Variants in CPNE8 observed in about 807,000 individuals in gnomAD.
CPNE8 encodes the protein copine-8.
Under a neutral mutation model 81.5 loss-of-function variants are expected in CPNE8, and 45 were observed. The observed-to-expected ratio is 0.55, with a 90% CI of 0.44 to 0.71. The LOEUF (loss-of-function observed/expected upper bound fraction) is 0.71. Ranked by LOEUF, CPNE8 falls within the 30% of genes least tolerant of loss-of-function variation. The probability of loss-of-function intolerance (pLI) is 0.00; values close to 1 mark genes in which losing one functional copy is unlikely to be tolerated. For missense variants in CPNE8, 594 were observed against 672.1 expected (o/e 0.88, Z 1.28); for synonymous variants, 252 against 226.3 (o/e 1.11, Z -1.02).
chr12:38,788,361 C>T (rs1942246524), intron 6 of CPNE8, among the ~76,000 whole-genome samples: 1 of 151,546 alleles, frequency 6.6e-6, no homozygotes, highest in African/African-American at 2.4e-5. Flanking sequence ...AGACCAAAAC[C>T]ATATCATTTC....
chr12:38,704,407 T>C (rs1187187060), intron 13 of CPNE8, among the ~76,000 whole-genome samples: 1 of 152,096 alleles, frequency 6.6e-6, no homozygotes, highest in South Asian at 2.1e-4. Context: ...TATTTACAGA[T>C]ATAGATAAAT....
At chr12:38,786,335 G>A (rs1942187620) in intron 6 of CPNE8, among the ~76,000 whole-genome samples, 1 of 152,156 alleles carries the variant, frequency 6.6e-6, no homozygotes, top group African/African-American at 2.4e-5. Context: ...GGGTCAGTGG[G>A]CTGAGAAAGG....
At chr12:38,874,645 A>T in intron 1 of CPNE8, 134 bp from the exon 2 acceptor site, 1 of 505,612 alleles carries the variant, frequency 2.0e-6, no homozygotes, top group Non-Finnish European at 3.5e-6. Context: ...ATATACATAT[A>T]TATGACTAAA....
At chr12:38,709,169 C>G (rs923837456) in intron 13 of CPNE8, among the ~76,000 whole-genome samples, 1 of 152,202 alleles carries the variant, frequency 6.6e-6, no homozygotes, top group Non-Finnish European at 1.5e-5. Context: ...GGTTCTGGAA[C>G]ATGCCCTGAA....
At chr12:38,791,766 A>G (rs768363921) in intron 6 of CPNE8, among the ~76,000 whole-genome samples, 1 of 151,654 alleles carries the variant, frequency 6.6e-6, no homozygotes, top group Non-Finnish European at 1.5e-5. Context: ...TATGTCACTC[A>G]ATAACAATGA....
rs1337394671 is a variant in CPNE8, at chr12:38,810,452, TACTC to T, written c.407+18923_407+18926del. 7.2e-5 allele frequency among the ~76,000 whole-genome samples: 11 copies of T among 152,194 alleles called. No homozygotes were observed. The South Asian group carries it at 8.3e-4, about 11-fold the overall frequency. ...TTCTTTCTGGAGTAGACTTTCCTGA[TACTC>T]AATCTCTTCATTTGAGAGTCTTCGG... On this transcript the variant is annotated intron_variant, in intron 6 of 19. Coordinates refer to ENST00000331366, the MANE Select transcript of CPNE8 (RefSeq NM_153634.3).
chr12:38,855,422 T>C (rs1383502293), intron 3 of CPNE8, among the ~76,000 whole-genome samples: 2 of 151,982 alleles, frequency 1.3e-5, no homozygotes, highest in Non-Finnish European at 2.9e-5. Flanking sequence ...CAAAGTAACC[T>C]TGACAAAAAA....
chr12:38,777,628 G>A (rs1941963136), intron 6 of CPNE8, among the ~76,000 whole-genome samples: 1 of 152,060 alleles, frequency 6.6e-6, no homozygotes, highest in Non-Finnish European at 1.5e-5. Context: ...CCCTACACAG[G>A]TATACCATTT....
chr12:38,833,151 A>G (rs1172386250), intron 5 of CPNE8, among the ~76,000 whole-genome samples: 1 of 151,766 alleles, frequency 6.6e-6, no homozygotes, highest in Non-Finnish European at 1.5e-5. Context: ...TCAGGCGATC[A>G]AGACCAGTCG....
intron 13 of CPNE8, among the ~76,000 whole-genome samples, chr12:38,714,241 C>T (rs826840): frequency 0.077 from 11,740 of 151,982 alleles, 762 homozygotes; most frequent in East Asian, 0.25. Flanking sequence ...TATCATGCTA[C>T]CTAAGAAATT....
intron 19 of CPNE8, among the ~76,000 whole-genome samples, chr12:38,668,330 G>A (rs1939103601): frequency 6.6e-6 from 1 of 152,020 alleles, no homozygotes; most frequent in African/African-American, 2.4e-5. Flanking sequence ...ATAGATCATT[G>A]GTGTCCTATC....
At chr12:38,853,111 G>A (rs116256021) in intron 3 of CPNE8, among the ~76,000 whole-genome samples, 84 of 152,208 alleles carry the variant, frequency 5.5e-4, no homozygotes, top group African/African-American at 2.0e-3. Context: ...AAATACACTG[G>A]TTATTTCCTG....
At chr12:38,786,110 C>T (rs1592086777) in intron 6 of CPNE8, among the ~76,000 whole-genome samples, 1 of 152,116 alleles carries the variant, frequency 6.6e-6, no homozygotes, top group Non-Finnish European at 1.5e-5. Flanking sequence ...TCAAAAGACA[C>T]AGAGAGGCTG....
chr12:38,856,612 A>T (rs954280077), intron 3 of CPNE8, among the ~76,000 whole-genome samples: 8 of 152,186 alleles, frequency 5.3e-5, no homozygotes, highest in Admixed American at 5.2e-4. Flanking sequence ...AATATTCTGA[A>T]TCGATAAAAT....
At chr12:38,760,451 ATGTG>A (rs1555154517) in intron 10 of CPNE8, among the ~76,000 whole-genome samples, 1 of 120,180 alleles carries the variant, frequency 8.3e-6, no homozygotes, top group Non-Finnish European at 1.9e-5. Context: ...ATATATATAT[ATGTG>A]TGTGTATATA....
At position 38,805,469 on chromosome 12, in the gene CPNE8, C is replaced by T. The variant is rs1458727880; in HGVS notation, c.407+23910G>A. Among the ~76,000 whole-genome samples the T allele has an allele frequency of 3.3e-3, 312 of 93,448 alleles. 7 individuals carry two copies. The highest frequency in any genetic ancestry group is 4.6e-3 in the Non-Finnish European group (209 of 45,700). The allele number at this position is 93,448 out of a possible 152,430, so 61.3% of individuals were successfully genotyped here. ...AGGTGGGAATTGAACAATGAGATCA[C>T]ATGGACACAGGAAGGGGAATATCAC... is the stretch of plus-strand genomic sequence containing the variant. On this transcript the variant is annotated intron_variant, in intron 6 of 19. Coordinates refer to ENST00000331366, the MANE Select transcript of CPNE8 (RefSeq NM_153634.3).
At chr12:38,778,971 T>A (rs1941990853) in intron 6 of CPNE8, among the ~76,000 whole-genome samples, 2 of 152,158 alleles carry the variant, frequency 1.3e-5, no homozygotes, top group South Asian at 2.1e-4. Context: ...CAATATAGCA[T>A]GGCACATTTT....
At chr12:38,899,623 T>TA (rs1944432497) in intron 1 of CPNE8, among the ~76,000 whole-genome samples, 1 of 152,220 alleles carries the variant, frequency 6.6e-6, no homozygotes, top group Admixed American at 6.5e-5. Context: ...ACCTCTTCAA[T>TA]AAAAAGCTGA....
At chr12:38,664,371 A>C (rs1341415738) in intron 19 of CPNE8, among the ~76,000 whole-genome samples, 1 of 152,100 alleles carries the variant, frequency 6.6e-6, no homozygotes, top group East Asian at 1.9e-4. Flanking sequence ...TTATATATGA[A>C]AGCCATCATT....
Sources: gnomAD v4.1 joint callset for allele counts (sites outside exome capture counted in the v4.1 genomes callset) on GRCh38, gnomAD v4.1.1 for gene constraint, MANE v1.5 for transcripts, NCBI Gene and HGNC (gene_info 2026-07-23, HGNC 2026-07-21) for gene names.